SARDH: variants seen among roughly 807,000 people sequenced by gnomAD.
The protein encoded by SARDH is sarcosine dehydrogenase.
A neutral mutation model predicts 109.1 loss-of-function variants in SARDH; 95 were observed. That is an observed-to-expected ratio of 0.87 (90% confidence interval 0.74 to 1.03). SARDH has a LOEUF of 1.03. SARDH is among the 50% of genes least tolerant of loss of function. The pLI is 0.00. For missense variants in SARDH, 1,267 were observed against 1,287.8 expected (o/e 0.98, Z 0.25); for synonymous variants, 572 against 534.8 (o/e 1.07, Z -0.96).
intron 17 of SARDH, among the ~76,000 whole-genome samples, chr9:133,674,205 G>A (rs1407004919): frequency 1.3e-5 from 2 of 152,262 alleles, no homozygotes; most frequent in Admixed American, 6.5e-5. Flanking sequence ...CAGGCCAAGC[G>A]AGGACATCCA....
At chr9:133,716,892 T>A (rs1219184881) in intron 8 of SARDH, among the ~76,000 whole-genome samples, 1 of 152,186 alleles carries the variant, frequency 6.6e-6, no homozygotes. Flanking sequence ...GAACTGGGAC[T>A]CACAGCTGTA....
Position 133,734,069 on chromosome 9 carries a change from T to C in SARDH, c.105A>G (p.Thr35=), listed in dbSNP as rs1832781223. ...PCNLSSAAGP[T]AEKSVPYQRT... is the part of the protein sequence containing the mutation. ...GCTGATATGGCACACTCTTCTCGGC[T>C]GTGGGGCCAGCTGCGCTGGACAGGT... Residue 35 remains threonine, a synonymous_variant, in exon 2 of 21, where the codon ACA becomes ACG. Transcript: ENST00000439388. The C allele has an allele frequency of 2.5e-6, 4 of 1,613,128 alleles. No homozygotes were observed. In the African/African-American group the frequency reaches 4.0e-5, roughly 16 times the overall value.
intron 6 of SARDH, 58 bp from the exon 7 acceptor site, chr9:133,719,100 C>G: frequency 6.8e-7 from 1 of 1,475,984 alleles, no homozygotes; most frequent in Non-Finnish European, 9.5e-7. Context: ...GACTTGGTTC[C>G]CCATGCCCCG....
At chr9:133,732,175 G>A (rs1041730772) in intron 3 of SARDH, among the ~76,000 whole-genome samples, 2 of 152,120 alleles carry the variant, frequency 1.3e-5, no homozygotes, top group Non-Finnish European at 2.9e-5. Context: ...CTTCTCTCGC[G>A]GCAGAAGGGT....
In SARDH at chr9:133,685,194, AG is replaced by A; in HGVS notation, c.2161del (p.Leu721TrpfsTer31). 6.2e-7 allele frequency: 1 copy of A among 1,613,600 alleles called. No homozygotes were observed. Among genetic ancestry groups the A allele is most frequent in the Non-Finnish European group, 8.5e-7 (1 of 1,179,772 alleles). On this transcript the variant is annotated frameshift_variant and splice_region_variant, in exon 17 of 21. Transcript: ENST00000439388. LOFTEE classifies it high-confidence loss of function. ...AGGACGTGGCCAGCTGGAACCTACC[AG>A]GTGCCCTGCGGCTCTCAGTAGCTTG... Reference protein sequence around the residue: ...THKLLRAAGHLVRAMRLSFVG... With the variant: ...THKLLRAAGHXVRAMRLSFVG...
In SARDH at chr9:133,708,907, A is replaced by T. The variant is rs1831807922; in HGVS notation, c.1329-479T>A. 2.6e-5 allele frequency among the ~76,000 whole-genome samples: 4 copies of T among 152,126 alleles called. No homozygotes were observed. The South Asian group carries it at 8.3e-4, about 32-fold the overall frequency. ...GAACACCAGTGTCCCCCTCCTCATCAAGGAACCCCCCTTTCCACCCGCCAG... is the reference window on the plus strand; with the variant it reads ...GAACACCAGTGTCCCCCTCCTCATCTAGGAACCCCCCTTTCCACCCGCCAG... On this transcript the variant is annotated intron_variant, in intron 10 of 20. Transcript: ENST00000439388.
intron 17 of SARDH, among the ~76,000 whole-genome samples, chr9:133,682,024 G>A (rs1830713711): frequency 6.6e-6 from 1 of 152,144 alleles, no homozygotes; most frequent in East Asian, 1.9e-4. Context: ...AAATACGGAA[G>A]GACAGAGAAG....
At position 133,702,936 on chromosome 9, in the gene SARDH, A is replaced by T. The variant is rs1831544920; in HGVS notation, c.1648T>A (p.Phe550Ile). The T allele has an allele frequency of 6.2e-7, 1 of 1,612,402 alleles. No homozygotes were observed. Among genetic ancestry groups the T allele is most frequent in the Admixed American group, 1.7e-5 (1 of 59,996 alleles). ...RLLADEYTFA[F>I]PPHHDTIKKE... The stretch of plus-strand genomic sequence containing the variant: ...CGCACCGTGTCGTGGTGGGGCGGGA[A>T]GGCGAAGGTGTACTCGTCTGCCAGC... Residue 550 changes from phenylalanine (F) to isoleucine (I), a missense_variant, in exon 13 of 21, where the codon TTC becomes ATC. Coordinates refer to ENST00000439388, the MANE Select transcript of SARDH (RefSeq NM_001134707.2).
At position 133,671,520 on chromosome 9, in the gene SARDH, A is replaced by T; in HGVS notation, c.2326+15T>A. 1 of 1,590,366 alleles carries T rather than the reference A, an allele frequency of 6.3e-7. No homozygotes were observed. The highest frequency in any genetic ancestry group is 8.6e-7 in the Non-Finnish European group (1 of 1,168,314). ...CGCCCGCCCCCGCCCCGTGCTGTCC[A>T]GACCCTGCACTCACCTTTCTCAATG... On this transcript the variant is annotated intron_variant, in intron 18 of 20. Transcript: ENST00000439388.
At chr9:133,682,054 C>T (rs1430008388) in intron 17 of SARDH, among the ~76,000 whole-genome samples, 3 of 152,200 alleles carry the variant, frequency 2.0e-5, no homozygotes, top group Non-Finnish European at 4.4e-5. Flanking sequence ...CAGAGTGACC[C>T]GGGACCATGA....
chr9:133,702,858 G>T, intron 13 of SARDH, 58 bp downstream of exon 13: 2 of 1,529,642 alleles, frequency 1.3e-6, no homozygotes, highest in Non-Finnish European at 1.8e-6. Flanking sequence ...CCGGCGCAAT[G>T]GCTTATCTGA....
intron 13 of SARDH, among the ~76,000 whole-genome samples, chr9:133,698,009 T>TAAAAAAAAA (rs371381068): frequency 8.4e-5 from 8 of 95,708 alleles, no homozygotes; most frequent in Non-Finnish European, 1.2e-4. Context: ...AGGAATCCAC[T>TAAAAAAAAA]AAAAAAAAAA....
At chr9:133,708,596 C>T (rs934600928) in intron 10 of SARDH, among the ~76,000 whole-genome samples, 168 bp from the exon 11 acceptor site, 1 of 152,138 alleles carries the variant, frequency 6.6e-6, no homozygotes, top group African/African-American at 2.4e-5. Flanking sequence ...CTTGGGTGAA[C>T]TCAGCTTTCT....
Position 133,712,812 on chromosome 9 carries a change from C to T in SARDH, c.1238-103G>A, listed in dbSNP as rs760413142. 1.1e-4 allele frequency: 131 copies of T among 1,167,434 alleles called. No individual in the cohort carries two copies. Among genetic ancestry groups the T allele is most frequent in the Non-Finnish European group, 1.5e-4 (123 of 812,506 alleles). 72.3% of individuals were successfully genotyped at this position (1,167,434 alleles called of 1,614,324 possible). A position where few individuals can be genotyped will look rare whatever the true frequency, so the allele number is the denominator to read the frequency against. ...CCACGGACAGCACAGACACTCCAAG[C>T]TCTGCTCTCACACCTGGGGTGCTGC... On this transcript the variant is annotated intron_variant, in intron 9 of 20. Transcript: ENST00000439388. The surrounding 1 kb of genome is among the most constrained non-coding windows in gnomAD (Gnocchi z 4.1).
At chr9:133,669,431 T>G (rs1036595494) in intron 19 of SARDH, among the ~76,000 whole-genome samples, 1 of 148,912 alleles carries the variant, frequency 6.7e-6, no homozygotes, top group Non-Finnish European at 1.5e-5. Context: ...GTCAGCTCCA[T>G]GTCCACAGAG....
rs1830849547 is a variant in SARDH, at chr9:133,685,357, G to A, written c.2070-71C>T. 34 of 1,283,450 alleles carry A rather than the reference G, an allele frequency of 2.6e-5. 1 individual carries two copies. The South Asian group carries it at 3.7e-4, about 14-fold the overall frequency. 79.5% of individuals were successfully genotyped at this position (1,283,450 alleles called of 1,614,324 possible). ...GGGGCCTGGGCAGGAAAGGCCCCGGGGACCTGCCATGAGTGGGATAAGTCC... is the reference window on the plus strand; with the variant it reads ...GGGGCCTGGGCAGGAAAGGCCCCGGAGACCTGCCATGAGTGGGATAAGTCC... On this transcript the variant is annotated intron_variant, in intron 16 of 20. Transcript: ENST00000439388.
In SARDH at chr9:133,712,840, G is replaced by A. The variant is rs539623269; in HGVS notation, c.1238-131C>T. The A allele has an allele frequency of 9.7e-5, 94 of 969,426 alleles. No homozygotes were observed. In the African/African-American group the frequency reaches 1.1e-3, roughly 11 times the overall value. 60.1% of individuals were successfully genotyped at this position (969,426 alleles called of 1,614,324 possible). ...TGCTCTCACACCTGGGGTGCTGCAC[G>A]CCTCCTGATTGGACTGCTGCTGGAC... On this transcript the variant is annotated intron_variant, in intron 9 of 20. Transcript: ENST00000439388. This position sits in a 1 kb window ranked among gnomAD's most constrained non-coding sequence, Gnocchi z 4.1.
Position 133,666,904 on chromosome 9 carries a change from G to A in SARDH, c.2496-34C>T. On this transcript the variant is annotated intron_variant, in intron 19 of 20. Transcript: ENST00000439388. This position sits in a 1 kb window ranked among gnomAD's most constrained non-coding sequence, Gnocchi z 5.2. ...AGCAGTAGAGAAAGCTGGGGCCCCA[G>A]AAACCGCAGGGTGGGGACGCGTCCA... 6.2e-7 allele frequency: 1 copy of A among 1,610,912 alleles called. No individual in the cohort carries two copies.
chr9:133,676,023 G>A (rs1400555927), intron 17 of SARDH, among the ~76,000 whole-genome samples: 1 of 152,036 alleles, frequency 6.6e-6, no homozygotes, highest in Non-Finnish European at 1.5e-5. Context: ...GAGACCAGGA[G>A]GTTGAGGCAG....
Sources: gnomAD v4.1 joint callset for allele counts (sites outside exome capture counted in the v4.1 genomes callset) on GRCh38, gnomAD v4.1.1 for gene constraint, Gnocchi (gnomAD v3.1) non-coding constraint, MANE v1.5 for transcripts, NCBI Gene and HGNC (gene_info 2026-07-23, HGNC 2026-07-21) for gene names.